The following PITPNM2 variants were observed in gnomAD, a reference collection of about 807,000 sequenced individuals.
PITPNM2 encodes phosphatidylinositol transfer protein membrane associated 2.
Under a neutral mutation model 132.2 loss-of-function variants are expected in PITPNM2, and 35 were observed. That is an observed-to-expected ratio of 0.26 (90% CI 0.20 to 0.35). The LOEUF is 0.35. Ranked by LOEUF, PITPNM2 falls within the 10% of genes least tolerant of loss-of-function variation. PITPNM2 has a pLI of 1.00. For missense variants in PITPNM2, 1,332 were observed against 1,912.0 expected (o/e 0.70, Z 5.66); for synonymous variants, 738 against 799.2 (o/e 0.92, Z 1.29).
intron 2 of PITPNM2, among the ~76,000 whole-genome samples, chr12:123,060,911 G>A (rs1340628726): frequency 1.3e-5 from 2 of 152,092 alleles, no homozygotes; most frequent in Non-Finnish European, 2.9e-5. Context: ...CCAGAAAAGG[G>A]CAGACAGTTG....
rs549507944 is a variant in PITPNM2 at position 123,131,921 on chromosome 12, G to GA, written c.-200+18831dup. Among the ~76,000 whole-genome samples, 343 of 152,332 alleles carry GA rather than the reference G, an allele frequency of 2.3e-3. 5 individuals are homozygous for GA. The highest frequency in any genetic ancestry group is 2.1e-3 in the South Asian group (10 of 4,832). On this transcript the variant is annotated intron_variant, in intron 1 of 25. Transcript: ENST00000320201. ...CTCAGGACCAACCAGAGGCAGGAAG[G>GA]AAAGAGAAGCTCTGAGAAAGCATGT...
At position 122,986,178 on chromosome 12, in the gene PITPNM2, T is replaced by C; in HGVS notation, c.3899A>G (p.Gln1300Arg). The change falls in exon 26 of 26, where the codon CAG (glutamine) becomes CGG (arginine). Residue 1300 changes from glutamine to arginine, a missense_variant. Transcript: ENST00000320201. ...GTGCCGGTGGCTGGGCCCGCTGGGC[T>C]GGGCCGAGATGGTGCGAAGCAGGTG... ...RNHLLRTISA[Q>R]PSGPSHRHER... 1 of 1,544,128 alleles carries C rather than the reference T, an allele frequency of 6.5e-7. No homozygotes were observed. Among genetic ancestry groups the C allele is most frequent in the Non-Finnish European group, 8.7e-7 (1 of 1,149,878 alleles).
chr12:123,146,296 T>C (rs1593038649), intron 1 of PITPNM2, among the ~76,000 whole-genome samples: 1 of 152,288 alleles, frequency 6.6e-6, no homozygotes, highest in East Asian at 1.9e-4. Flanking sequence ...CTTGTACCCC[T>C]GAACTTAAAA....
intron 1 of PITPNM2, among the ~76,000 whole-genome samples, chr12:123,113,819 G>A (rs2042886548): frequency 6.6e-6 from 1 of 151,602 alleles, no homozygotes. Flanking sequence ...ACCCCAAAAA[G>A]AAAACTTGTA....
chr12:123,017,077 A>G (rs1402705942), intron 3 of PITPNM2, among the ~76,000 whole-genome samples: 2 of 150,254 alleles, frequency 1.3e-5, no homozygotes, highest in Non-Finnish European at 3.0e-5. Flanking sequence ...AAGAAAAGAT[A>G]ATAGTTTAGC....
intron 2 of PITPNM2, among the ~76,000 whole-genome samples, chr12:123,035,639 CT>C (rs1472938740): frequency 6.6e-6 from 1 of 151,096 alleles, no homozygotes; most frequent in Non-Finnish European, 1.5e-5. Context: ...GCACTCCAGC[CT>C]GGGGGACAAG....
chr12:123,084,300 G>A (rs1404621752), intron 2 of PITPNM2: 2 of 152,228 alleles, frequency 1.3e-5, no homozygotes, highest in Non-Finnish European at 2.9e-5. Flanking sequence ...TTGCATCTTC[G>A]GTTATTTTTA....
At position 123,111,138 on chromosome 12, in the gene PITPNM2, A is replaced by G. The variant is rs2042825562; in HGVS notation, c.-199-650T>C. On this transcript the variant is annotated intron_variant, in intron 1 of 25. Coordinates refer to ENST00000320201, the MANE Select transcript of PITPNM2 (RefSeq NM_020845.3). The surrounding 1 kb of genome is among the most constrained non-coding windows in gnomAD (Gnocchi z 4.1). Reference sequence around the variant, plus strand: ...GCCTCAGAGATGACAAAGTCTTCACAGGTACCACTGAAGCCACTACCCAAC... The same window carrying G: ...GCCTCAGAGATGACAAAGTCTTCACGGGTACCACTGAAGCCACTACCCAAC... Among the ~76,000 whole-genome samples, 1 of 152,224 alleles carries G rather than the reference A, an allele frequency of 6.6e-6. No homozygotes were observed. Among genetic ancestry groups the G allele is most frequent in the Non-Finnish European group, 1.5e-5 (1 of 68,036 alleles).
chr12:123,066,570 A>G (rs2041423983), intron 2 of PITPNM2, among the ~76,000 whole-genome samples: 1 of 152,166 alleles, frequency 6.6e-6, no homozygotes, highest in African/African-American at 2.4e-5. Context: ...GGAGACAGAC[A>G]GACTCCTCTC....
At chr12:123,124,021 C>A (rs1051353895) in intron 1 of PITPNM2, among the ~76,000 whole-genome samples, 1 of 151,946 alleles carries the variant, frequency 6.6e-6, no homozygotes, top group Non-Finnish European at 1.5e-5. Flanking sequence ...TTTGGGAGGC[C>A]GACGCGGGCA....
In PITPNM2 at chr12:122,986,354, C is replaced by T. The variant is rs941980462; in HGVS notation, c.3727-4G>A. The stretch of plus-strand genomic sequence containing the variant: ...CCGCGTAGCCATCCGTGATGAACTG[C>T]GGGGTCAGTGAGGACGGCTGTCACA... On this transcript the variant is annotated splice_region_variant and splice_polypyrimidine_tract_variant and intron_variant, in intron 25 of 25. Transcript: ENST00000320201. 1.8e-5 allele frequency: 28 copies of T among 1,581,710 alleles called. No individual in the cohort carries two copies. Among genetic ancestry groups the T allele is most frequent in the African/African-American group, 5.4e-5 (4 of 74,342 alleles).
chr12:123,094,993 C>A (rs996214173), intron 2 of PITPNM2, among the ~76,000 whole-genome samples: 3 of 152,322 alleles, frequency 2.0e-5, no homozygotes, highest in South Asian at 2.1e-4. Context: ...GGCTTCGTGG[C>A]GCACTGAAGC....
rs1294886401 is a variant in PITPNM2 at position 123,031,308 on chromosome 12, A to G, written c.78+3205T>C. On this transcript the variant is annotated intron_variant, in intron 3 of 25. Coordinates refer to ENST00000320201, the MANE Select transcript of PITPNM2 (RefSeq NM_020845.3). This position sits in a 1 kb window ranked among gnomAD's most constrained non-coding sequence, Gnocchi z 4.5. The stretch of plus-strand genomic sequence containing the variant: ...TTGCCCCTCAGAGGGCACACGACCT[A>G]TGGGCCTGGCAATATCTTGGAGCTC... Among the ~76,000 whole-genome samples the G allele has an allele frequency of 1.3e-5, 2 of 152,202 alleles. No individual in the cohort carries two copies. The highest frequency in any genetic ancestry group is 2.9e-5 in the Non-Finnish European group (2 of 68,026).
intron 2 of PITPNM2, among the ~76,000 whole-genome samples, chr12:123,102,529 T>C (rs1366852693): frequency 1.3e-5 from 2 of 152,188 alleles, no homozygotes; most frequent in African/African-American, 4.8e-5. Context: ...GGCCTATAGA[T>C]TCAGCTCCTC....
At chr12:123,124,295 G>A (rs2043093104) in intron 1 of PITPNM2, among the ~76,000 whole-genome samples, 1 of 151,914 alleles carries the variant, frequency 6.6e-6, no homozygotes, top group African/African-American at 2.4e-5. Flanking sequence ...AGCCAGGCAT[G>A]GTGGTGTGCA....
At chr12:123,086,777 G>A (rs2042125082) in intron 2 of PITPNM2, among the ~76,000 whole-genome samples, 1 of 152,178 alleles carries the variant, frequency 6.6e-6, no homozygotes, top group Non-Finnish European at 1.5e-5. Flanking sequence ...AGTGTGGAAG[G>A]AGGCTCTGAG....
At position 122,986,020 on chromosome 12, in the gene PITPNM2, C is replaced by CGGTGCCCTACTTGGGGCCCGCG; in HGVS notation, c.4035_*6dup. 1.4e-6 allele frequency: 2 copies of CGGTGCCCTACTTGGGGCCCGCG among 1,396,464 alleles called. No individual in the cohort carries two copies. The highest frequency in any genetic ancestry group is 1.8e-6 in the Non-Finnish European group (2 of 1,086,920). 86.5% of individuals were successfully genotyped at this position (1,396,464 alleles called of 1,614,324 possible). On this transcript the variant is annotated 3_prime_UTR_variant, in exon 26 of 26. Coordinates refer to ENST00000320201, the MANE Select transcript of PITPNM2 (RefSeq NM_020845.3). ...CCATGGAGACCCCGCGCTGCACTCACGGTGCCCTACTTGGGGCCCGCGGCT... is the reference window on the plus strand; with the variant it reads ...CCATGGAGACCCCGCGCTGCACTCACGGTGCCCTACTTGGGGCCCGCGGGTGCCCTACTTGGGGCCCGCGGCT...
intron 2 of PITPNM2, among the ~76,000 whole-genome samples, chr12:123,068,269 C>A (rs1362561042): frequency 6.6e-6 from 1 of 152,062 alleles, no homozygotes; most frequent in Admixed American, 6.5e-5. Flanking sequence ...AGATCGAGAA[C>A]ATCCTGGCTA....
At position 123,070,057 on chromosome 12, in the gene PITPNM2, C is replaced by A. The variant is rs114825741; in HGVS notation, c.-95-35372G>T. The stretch of plus-strand genomic sequence containing the variant: ...CTAAGAGTCCCCAGGTTGGCAAGAC[C>A]CAGCCAGGAGAGTCTGCTGATAAGA... On this transcript the variant is annotated intron_variant, in intron 2 of 25. Coordinates refer to ENST00000320201, the MANE Select transcript of PITPNM2 (RefSeq NM_020845.3). Among the ~76,000 whole-genome samples the A allele has an allele frequency of 3.9e-3, 601 of 152,302 alleles. 1 individual carries two copies. Among genetic ancestry groups the A allele is most frequent in the African/African-American group, 0.013 (535 of 41,568 alleles).
Sources: allele counts gnomAD v4.1 joint callset (sites outside exome capture counted in the v4.1 genomes callset), GRCh38; gene constraint gnomAD v4.1.1; non-coding constraint Gnocchi (gnomAD v3.1); transcripts MANE v1.5; gene names NCBI Gene and HGNC (gene_info 2026-07-23, HGNC 2026-07-21).